Variants in SNX29 observed in about 807,000 individuals in gnomAD.
SNX29 encodes sorting nexin 29.
Under a neutral mutation model 102.1 loss-of-function variants are expected in SNX29, and 78 were observed. That is an observed-to-expected ratio of 0.76 (90% confidence interval 0.64 to 0.92). The LOEUF (loss-of-function observed/expected upper bound fraction) is 0.92, where lower values mean the gene tolerates loss of function less well. SNX29 is among the 40% of genes least tolerant of loss of function. SNX29 has a pLI of 0.00. For missense variants in SNX29, 1,280 were observed against 1,061.7 expected (o/e 1.21, Z -2.86); for synonymous variants, 580 against 414.5 (o/e 1.40, Z -4.85).
chr16:12,335,064 C>T (rs939384435), intron 15 of SNX29, among the ~76,000 whole-genome samples: 3 of 152,016 alleles, frequency 2.0e-5, no homozygotes, highest in South Asian at 2.1e-4. Flanking sequence ...GCTTCACTAC[C>T]GTTCCTGTGG....
chr16:12,123,477 A>T (rs1303660074), intron 11 of SNX29, among the ~76,000 whole-genome samples: 2 of 152,194 alleles, frequency 1.3e-5, no homozygotes, highest in Non-Finnish European at 2.9e-5. Flanking sequence ...ATATACATAT[A>T]CATCATATAC....
At chr16:12,029,141 G>A (rs1015330366) in intron 4 of SNX29, among the ~76,000 whole-genome samples, 3 of 150,978 alleles carry the variant, frequency 2.0e-5, no homozygotes, top group African/African-American at 4.9e-5. Context: ...GCAGTCTCCC[G>A]GGGCTAGGGT....
At chr16:12,419,801 G>T (rs756188245) in intron 18 of SNX29, among the ~76,000 whole-genome samples, 8 of 152,172 alleles carry the variant, frequency 5.3e-5, no homozygotes, top group African/African-American at 9.7e-5. Flanking sequence ...CCAGTGCCTG[G>T]GTAGGTGTGA....
At chr16:12,506,934 C>T (rs1034869062) in intron 19 of SNX29, among the ~76,000 whole-genome samples, 3 of 151,850 alleles carry the variant, frequency 2.0e-5, no homozygotes, top group Non-Finnish European at 4.4e-5. Context: ...TTTTTGCATT[C>T]GTTTGTCTGA....
At chr16:12,347,251 C>T (rs750976962) in intron 15 of SNX29, among the ~76,000 whole-genome samples, 1 of 150,020 alleles carries the variant, frequency 6.7e-6, no homozygotes, top group African/African-American at 2.5e-5. Context: ...GATGATCTGC[C>T]CCACAGGTCT....
intron 16 of SNX29, among the ~76,000 whole-genome samples, chr16:12,373,269 A>G (rs1005952563): frequency 6.6e-6 from 1 of 152,172 alleles, no homozygotes; most frequent in African/African-American, 2.4e-5. Context: ...AGTAGCTGGG[A>G]TTACAGGCAT....
intron 20 of SNX29, chr16:12,546,440 G>C (rs772536002): frequency 6.6e-6 from 1 of 152,146 alleles, no homozygotes; most frequent in African/African-American, 2.4e-5. Context: ...ATGTGAGCTA[G>C]GAAACTCTTC....
intron 14 of SNX29, among the ~76,000 whole-genome samples, chr16:12,207,478 C>G (rs1164644983): frequency 2.6e-5 from 4 of 152,248 alleles, no homozygotes; most frequent in African/African-American, 9.6e-5. Context: ...CCTGCTCCCG[C>G]AAGAATCCGC....
chr16:12,236,352 C>T (rs1230134584), intron 14 of SNX29, among the ~76,000 whole-genome samples: 1 of 152,170 alleles, frequency 6.6e-6, no homozygotes. Context: ...GGTCTTGACC[C>T]TTCTGTTGAG....
At chr16:12,020,229 C>G (rs1044096870) in intron 3 of SNX29, among the ~76,000 whole-genome samples, 1 of 151,832 alleles carries the variant, frequency 6.6e-6, no homozygotes, top group African/African-American at 2.4e-5. Context: ...CTCAAGCAAC[C>G]CTTCTGTCTC....
Position 12,569,875 on chromosome 16 carries a change from T to G in SNX29, c.*1246T>G, listed in dbSNP as rs997818687. 2.2e-5 allele frequency: 5 copies of G among 231,414 alleles called. No individual in the cohort carries two copies. The highest frequency in any genetic ancestry group is 1.1e-4 in the African/African-American group (5 of 45,310). The allele number at this position is 231,414 out of a possible 1,614,324, so 14.3% of individuals were successfully genotyped here. ...TGTCGTGAAATGGACTATGCAAGAG[T>G]AAGTTTGTGTGTTTCGCCTTAATCT... On this transcript the variant is annotated 3_prime_UTR_variant, in exon 21 of 21. Transcript: ENST00000566228.
At chr16:12,437,618 T>C (rs2085595910) in intron 18 of SNX29, among the ~76,000 whole-genome samples, 1 of 152,170 alleles carries the variant, frequency 6.6e-6, no homozygotes, top group Non-Finnish European at 1.5e-5. Flanking sequence ...CTTTCCCCTC[T>C]TGACCCTGGC....
chr16:12,051,879 A>G lies in SNX29; in HGVS notation c.781A>G (p.Lys261Glu). ...AKCKKERKKK[K>E]KVTNIISFDD... ...ATGCAAAAAGGAGCGGAAGAAGAAA[A>G]AGAAAGTGACCAACATAATCTCATT... The change falls in exon 8 of 21, where the codon AAG (lysine) becomes GAG (glutamate). Residue 261 changes from lysine to glutamate, a missense_variant. Transcript: ENST00000566228. The G allele has an allele frequency of 6.2e-7, 1 of 1,612,958 alleles. No homozygotes were observed. Among genetic ancestry groups the G allele is most frequent in the Non-Finnish European group, 8.5e-7 (1 of 1,179,692 alleles).
At chr16:12,553,448 G>C (rs1567184852) in intron 20 of SNX29, among the ~76,000 whole-genome samples, 1 of 152,144 alleles carries the variant, frequency 6.6e-6, no homozygotes, top group Non-Finnish European at 1.5e-5. Context: ...GCTGAGCATG[G>C]TGTAGACCAG....
intron 4 of SNX29, among the ~76,000 whole-genome samples, chr16:12,042,662 C>CT (rs1399268888): frequency 6.6e-6 from 1 of 152,162 alleles, no homozygotes; most frequent in Non-Finnish European, 1.5e-5. Flanking sequence ...CAATTTTGTT[C>CT]TTTTTCATGG....
chr16:12,275,527 A>G (rs1361560909), intron 14 of SNX29, among the ~76,000 whole-genome samples: 1 of 152,188 alleles, frequency 6.6e-6, no homozygotes, highest in Non-Finnish European at 1.5e-5. Context: ...TTGTGCTAAC[A>G]GTTCATTAGC....
intron 16 of SNX29, among the ~76,000 whole-genome samples, chr16:12,366,372 A>G (rs1034751292): frequency 3.3e-5 from 5 of 152,126 alleles, no homozygotes; most frequent in Admixed American, 3.3e-4. Context: ...TCATGGAGCT[A>G]TTTTCCGACG....
intron 20 of SNX29, among the ~76,000 whole-genome samples, chr16:12,567,037 G>C (rs748122718): frequency 6.6e-6 from 1 of 152,378 alleles, no homozygotes; most frequent in African/African-American, 2.4e-5. Context: ...TCACTCCTGA[G>C]ATACATGAAG....
intron 18 of SNX29, among the ~76,000 whole-genome samples, chr16:12,467,568 G>A (rs1038955823): frequency 7.9e-5 from 12 of 152,172 alleles, no homozygotes; most frequent in Non-Finnish European, 1.8e-4. Flanking sequence ...CAAATACACT[G>A]CCTGCATCCA....
Sources: allele counts gnomAD v4.1 joint callset (sites outside exome capture counted in the v4.1 genomes callset), GRCh38; gene constraint gnomAD v4.1.1; transcripts MANE v1.5; gene names NCBI Gene and HGNC (gene_info 2026-07-23, HGNC 2026-07-21).